The following ITPR1 variants were observed in gnomAD, a reference collection of about 807,000 sequenced individuals.
ITPR1 encodes inositol 1,4,5-trisphosphate receptor type 1, also known as inositol 1,4,5-trisphosphate-gated calcium channel ITPR1.
A neutral mutation model predicts 318.4 loss-of-function variants in ITPR1; 96 were observed. That is an observed-to-expected ratio of 0.30 (90% confidence interval 0.26 to 0.36). ITPR1 has a LOEUF of 0.36. ITPR1 is among the 10% of genes least tolerant of loss of function. The pLI is 1.00. For missense variants in ITPR1, 2,440 were observed against 3,460.2 expected, an observed-to-expected ratio of 0.71 and a Z score of 7.40; for synonymous variants, 1,312 against 1,289.9, an observed-to-expected ratio of 1.02 and a Z score of -0.37.
At chr3:4,571,975 T>C (rs1268150212) in intron 4 of ITPR1, among the ~76,000 whole-genome samples, 1 of 152,210 alleles carries the variant, frequency 6.6e-6, no homozygotes, top group Non-Finnish European at 1.5e-5. Flanking sequence ...TTTAGGGATA[T>C]GAATTAGACC....
intron 37 of ITPR1, among the ~76,000 whole-genome samples, chr3:4,709,025 A>T (rs9856174): frequency 0.034 from 5,157 of 152,320 alleles, 258 homozygotes; most frequent in African/African-American, 0.11. Flanking sequence ...GATTTCATGA[A>T]ATACATGAAC....
intron 52 of ITPR1, among the ~76,000 whole-genome samples, chr3:4,790,173 G>A (rs1173640936): frequency 6.6e-6 from 1 of 152,034 alleles, no homozygotes; most frequent in Non-Finnish European, 1.5e-5. Context: ...TTGAGATAAT[G>A]TCTCCAGCCT....
At chr3:4,663,291 CT>C (rs1328668379) in intron 16 of ITPR1, 85 bp downstream of exon 16, 13 of 1,307,802 alleles carry the variant, frequency 9.9e-6, no homozygotes, top group African/African-American at 1.5e-5. Context: ...AGTCCCAGCA[CT>C]TTGGGAAGCC....
chr3:4,764,910 C>T (rs988265990), intron 44 of ITPR1, among the ~76,000 whole-genome samples: 1 of 151,738 alleles, frequency 6.6e-6, no homozygotes, highest in Middle Eastern at 3.4e-3. Context: ...ACATAGTGCC[C>T]ACCTTGTGAC....
chr3:4,535,421 A>C lies in ITPR1; in HGVS notation c.163+14327A>C, dbSNP rs577862899. ...AGATGACTTTATGTGAAGGAAAATT[A>C]TTTTCTTTTTTTTTTTTTTAATTTT... On this transcript the variant is annotated intron_variant, in intron 4 of 61. Transcript: ENST00000649015. 2.3e-4 allele frequency among the ~76,000 whole-genome samples: 24 copies of C among 103,236 alleles called. No individual in the cohort carries two copies. The South Asian group carries it at 2.5e-3, about 11-fold the overall frequency. 67.7% of individuals were successfully genotyped at this position (103,236 alleles called of 152,430 possible). A position where few individuals can be genotyped will look rare whatever the true frequency, so the allele number is the denominator to read the frequency against.
At chr3:4,663,044 A>T in intron 15 of ITPR1, 21 bp from the exon 16 acceptor site, 1 of 1,611,852 alleles carries the variant, frequency 6.2e-7, no homozygotes, top group Non-Finnish European at 8.5e-7. Flanking sequence ...ATCTGTCTCT[A>T]ATAGCGTCTT....
chr3:4,726,264 A>T (rs933752065), intron 41 of ITPR1, among the ~76,000 whole-genome samples: 47 of 151,944 alleles, frequency 3.1e-4, no homozygotes, highest in Non-Finnish European at 5.3e-4. Flanking sequence ...TCCTGACCTC[A>T]GGTGATCCAC....
chr3:4,688,409 C>A (rs1179743673), intron 30 of ITPR1, 86 bp from the exon 31 acceptor site: 1 of 1,525,796 alleles, frequency 6.6e-7, no homozygotes, highest in Non-Finnish European at 9.0e-7. Flanking sequence ...CCTTCTGACT[C>A]CCACGTTAGC....
intron 4 of ITPR1, among the ~76,000 whole-genome samples, chr3:4,623,705 G>A (rs369106135): frequency 2.0e-5 from 3 of 152,178 alleles, no homozygotes; most frequent in Admixed American, 2.0e-4. Flanking sequence ...ATTTTGGAAG[G>A]TTATTCTAAC....
chr3:4,499,618 T>C (rs904666330), intron 2 of ITPR1, among the ~76,000 whole-genome samples: 6 of 152,234 alleles, frequency 3.9e-5, no homozygotes, highest in Non-Finnish European at 8.8e-5. Context: ...CTAATCTCTG[T>C]ATTTCCTCTA....
chr3:4,814,682 G>C, intron 58 of ITPR1, 120 bp downstream of exon 58: 1 of 882,730 alleles, frequency 1.1e-6, no homozygotes. Flanking sequence ...GAGTAGGGCT[G>C]AGTAGCTGCG....
At chr3:4,774,523 C>G (rs542860969) in intron 46 of ITPR1, among the ~76,000 whole-genome samples, 3 of 152,130 alleles carry the variant, frequency 2.0e-5, no homozygotes, top group African/African-American at 7.2e-5. Flanking sequence ...ATGACTGGAG[C>G]CTCTGACAAA....
intron 4 of ITPR1, among the ~76,000 whole-genome samples, chr3:4,572,146 A>C (rs1469608524): frequency 6.6e-6 from 1 of 152,170 alleles, no homozygotes; most frequent in Non-Finnish European, 1.5e-5. Context: ...TGCTGTCTTG[A>C]TGCTGATGAC....
At chr3:4,789,050 C>T (rs2047384151) in intron 52 of ITPR1, among the ~76,000 whole-genome samples, 1 of 152,172 alleles carries the variant, frequency 6.6e-6, no homozygotes, top group South Asian at 2.1e-4. Flanking sequence ...TGCCTGCATC[C>T]CTAGATCAGG....
intron 4 of ITPR1, among the ~76,000 whole-genome samples, chr3:4,548,348 A>G (rs1000897006): frequency 1.3e-5 from 2 of 152,212 alleles, no homozygotes; most frequent in Admixed American, 1.3e-4. Flanking sequence ...AACATCATTC[A>G]AGAACTCGTA....
intron 37 of ITPR1, among the ~76,000 whole-genome samples, chr3:4,708,510 G>T (rs2094805339): frequency 6.6e-6 from 1 of 152,168 alleles, no homozygotes; most frequent in Admixed American, 6.5e-5. Flanking sequence ...GATTCCTGAT[G>T]GAGTGCTTCC....
At chr3:4,601,707 A>C (rs932609234) in intron 4 of ITPR1, among the ~76,000 whole-genome samples, 1 of 152,232 alleles carries the variant, frequency 6.6e-6, no homozygotes, top group African/African-American at 2.4e-5. Flanking sequence ...GATAAATTGC[A>C]CTTCGTCAAA....
In ITPR1 at chr3:4,834,712, T is replaced by G. The variant is rs3805031; in HGVS notation, c.8029-2062T>G. Among the ~76,000 whole-genome samples, 619 of 152,290 alleles carry G rather than the reference T, an allele frequency of 4.1e-3. 6 individuals carry two copies. Among genetic ancestry groups the G allele is most frequent in the African/African-American group, 0.014 (584 of 41,554 alleles). ...CAGGAGAGATGAGTACAGTCAACGA[T>G]AGGCCACTGCAGCTGCACGGGAGAA... On this transcript the variant is annotated intron_variant, in intron 60 of 61. Transcript: ENST00000649015.
At chr3:4,629,306 T>C (rs1431316131) in intron 5 of ITPR1, among the ~76,000 whole-genome samples, 2 of 152,174 alleles carry the variant, frequency 1.3e-5, no homozygotes, top group African/African-American at 4.8e-5. Context: ...TTTTCCTGGC[T>C]CTTCTTGAGC....
Sources: gnomAD v4.1 joint callset for allele counts (sites outside exome capture counted in the v4.1 genomes callset) on GRCh38, gnomAD v4.1.1 for gene constraint, MANE v1.5 for transcripts, NCBI Gene and HGNC (gene_info 2026-07-23, HGNC 2026-07-21) for gene names.